ARHGAP8: variants seen among roughly 807,000 people sequenced by gnomAD.
ARHGAP8 encodes the protein rho GTPase-activating protein 8.
Under a neutral mutation model 46.1 loss-of-function variants are expected in ARHGAP8, and 62 were observed. The ratio of observed to expected loss-of-function variants is 1.34; its 90% CI spans 1.10 to 1.66. ARHGAP8 has a LOEUF of 1.66. Ranked by LOEUF, ARHGAP8 falls within the 40% of genes most tolerant of loss-of-function variation. The probability of loss-of-function intolerance (pLI) is 0.00; values close to 1 mark genes in which losing one functional copy is unlikely to be tolerated. For synonymous variants in ARHGAP8, 375 were observed against 243.1 expected, an observed-to-expected ratio of 1.54 and a Z score of -5.05; for missense variants, 923 against 568.4, an observed-to-expected ratio of 1.62 and a Z score of -6.34.
At chr22:44,771,304 T>C (rs904923441) in intron 1 of ARHGAP8, among the ~76,000 whole-genome samples, 1 of 138,106 alleles carries the variant, frequency 7.2e-6, no homozygotes, top group African/African-American at 2.6e-5. Context: ...TGGAGTGCAA[T>C]GCCATGATCT....
intron 1 of ARHGAP8, among the ~76,000 whole-genome samples, chr22:44,780,436 G>T (rs1296734441): frequency 1.3e-5 from 2 of 152,126 alleles, no homozygotes; most frequent in African/African-American, 4.8e-5. Flanking sequence ...CAAGGCGGGT[G>T]GACCATCTGA....
chr22:44,835,552 C>T (rs967234022), intron 7 of ARHGAP8, among the ~76,000 whole-genome samples: 35 of 152,224 alleles, frequency 2.3e-4, no homozygotes, highest in Admixed American at 5.2e-4. Context: ...ACCGGGGAGG[C>T]GGAGGTTGCA....
intron 3 of ARHGAP8, among the ~76,000 whole-genome samples, chr22:44,803,625 A>G (rs1305156934): frequency 2.7e-5 from 1 of 37,616 alleles, no homozygotes; most frequent in African/African-American, 8.7e-5. Context: ...CCCCACCACT[A>G]TGCAGACACC....
chr22:44,855,575 C>A (rs1601526169), intron 10 of ARHGAP8, among the ~76,000 whole-genome samples: 1 of 152,310 alleles, frequency 6.6e-6, no homozygotes, highest in East Asian at 1.9e-4. Flanking sequence ...AGATTTTTTT[C>A]TTTGGCCAGT....
chr22:44,790,676 C>CAAAAAA (rs369579126), intron 2 of ARHGAP8, among the ~76,000 whole-genome samples: 2 of 49,602 alleles, frequency 4.0e-5, no homozygotes, highest in African/African-American at 7.3e-5. Context: ...AACTCTGTCT[C>CAAAAAA]AAAAAAAAAA....
intron 8 of ARHGAP8, 122 bp from the exon 9 acceptor site, chr22:44,847,851 C>A: frequency 7.8e-7 from 1 of 1,283,760 alleles, no homozygotes; most frequent in Non-Finnish European, 1.1e-6. Context: ...ATTTGAGGAA[C>A]AAATAAATGT....
rs144546780 is a variant in ARHGAP8 at position 44,862,522 on chromosome 22, G to C, written c.1229G>C (p.Arg410Pro). 4.2e-5 allele frequency: 68 copies of C among 1,611,982 alleles called. No homozygotes were observed. The African/African-American group carries it at 6.1e-4, about 15-fold the overall frequency. The change falls in exon 12 of 12, where the codon CGG (arginine) becomes CCG (proline). Residue 410 changes from arginine (R) to proline (P), a missense_variant. Arg to Pro is a moderately radical substitution (Grantham distance 103). Coordinates refer to ENST00000356099, the MANE Select transcript of ARHGAP8 (RefSeq NM_181335.3). ...GCCCCTTTGCAGGAGGCTGTGCCAC[G>C]GACACAAGCCACGGGCCTCACCAAG... ...RAAPLQEAVP[R>P]TQATGLTKPT...
intron 7 of ARHGAP8, among the ~76,000 whole-genome samples, chr22:44,837,885 C>T (rs1931394330): frequency 1.3e-5 from 2 of 152,304 alleles, no homozygotes; most frequent in South Asian, 2.1e-4. Flanking sequence ...GCCAGTCCCT[C>T]CTCTTTGGGG....
chr22:44,771,657 C>T (rs1018226472), intron 1 of ARHGAP8, among the ~76,000 whole-genome samples: 13 of 151,872 alleles, frequency 8.6e-5, no homozygotes, highest in South Asian at 2.1e-4. Flanking sequence ...CGGGTTCAAG[C>T]GATTCTCCTG....
chr22:44,756,501 G>T (rs1229806478), intron 1 of ARHGAP8, among the ~76,000 whole-genome samples: 1 of 151,946 alleles, frequency 6.6e-6, no homozygotes, highest in Admixed American at 6.6e-5. Context: ...ACACTCAAAT[G>T]ATGTACAATG....
chr22:44,829,923 C>A (rs1255762705), intron 7 of ARHGAP8, among the ~76,000 whole-genome samples: 1 of 152,122 alleles, frequency 6.6e-6, no homozygotes, highest in Non-Finnish European at 1.5e-5. Context: ...CCTGTGTGGG[C>A]ACCTGGGGGA....
chr22:44,808,248 G>T, intron 3 of ARHGAP8, 59 bp from the exon 4 acceptor site: 10 of 1,576,480 alleles, frequency 6.3e-6, no homozygotes, highest in Non-Finnish European at 8.6e-6. Flanking sequence ...GGGAAAGCAC[G>T]TTTGGTTTCA....
In ARHGAP8 at chr22:44,862,547, G is replaced by T. The variant is rs200337395; in HGVS notation, c.1254G>T (p.Lys418Asn). ...GGACACAAGCCACGGGCCTCACCAA[G>T]CCTACCCTACCTCCGAGTCCCCTGA... is the stretch of plus-strand genomic sequence containing the variant. ...VPRTQATGLT[K>N]PTLPPSPLMA... Residue 418 changes from lysine to asparagine, a missense_variant, in exon 12 of 12, where the codon AAG (lysine) becomes AAT (asparagine). Transcript: ENST00000356099. 3.1e-6 allele frequency: 5 copies of T among 1,603,776 alleles called. 1 individual carries two copies. The South Asian group carries it at 3.3e-5, about 11-fold the overall frequency.
At chr22:44,806,957 CAAAA>C (rs565485539) in intron 3 of ARHGAP8, among the ~76,000 whole-genome samples, 19 of 113,078 alleles carry the variant, frequency 1.7e-4, no homozygotes, top group Non-Finnish European at 2.3e-4. Flanking sequence ...GACTCTGTCT[CAAAA>C]AAAAAAAAAA....
At chr22:44,779,353 A>G (rs132486) in intron 1 of ARHGAP8, among the ~76,000 whole-genome samples, 132,364 of 151,752 alleles carry the variant, frequency 0.87, 57,793 homozygotes, top group Non-Finnish European at 0.89. Flanking sequence ...TGCCTGCCTC[A>G]GCCTCCCAAA....
chr22:44,806,284 A>G (rs556348782), intron 3 of ARHGAP8, among the ~76,000 whole-genome samples: 9 of 152,320 alleles, frequency 5.9e-5, no homozygotes, highest in Middle Eastern at 6.8e-3. Flanking sequence ...CTTAGCCCAC[A>G]TGGTGTTCGA....
At chr22:44,754,600 T>C (rs4823368) in intron 1 of ARHGAP8, among the ~76,000 whole-genome samples, 32,408 of 151,972 alleles carry the variant, frequency 0.21, 3,899 homozygotes, top group South Asian at 0.45. Context: ...AGACGATTTG[T>C]CTGCCTTGGC....
At chr22:44,841,551 G>C (rs1278253228) in intron 7 of ARHGAP8, among the ~76,000 whole-genome samples, 2 of 152,096 alleles carry the variant, frequency 1.3e-5, no homozygotes, top group Non-Finnish European at 2.9e-5. Context: ...CTGCGCTCAG[G>C]GTATCTCTCT....
chr22:44,798,756 T>C (rs944705483), intron 2 of ARHGAP8, among the ~76,000 whole-genome samples: 6 of 151,888 alleles, frequency 4.0e-5, no homozygotes, highest in Admixed American at 3.9e-4. Flanking sequence ...ATGTGGCGAG[T>C]GCCACTGAGG....
Sources: allele counts gnomAD v4.1 joint callset (sites outside exome capture counted in the v4.1 genomes callset), GRCh38; gene constraint gnomAD v4.1.1; transcripts MANE v1.5; gene names NCBI Gene and HGNC (gene_info 2026-07-23, HGNC 2026-07-21).